The following SEC24A variants were observed in gnomAD, a reference collection of about 807,000 sequenced individuals.
The protein encoded by SEC24A is protein transport protein Sec24A.
In SEC24A, 93 loss-of-function variants were observed where a neutral mutation model predicts 129.4. The observed-to-expected ratio is 0.72, with a 90% CI of 0.61 to 0.85. The LOEUF is 0.85. SEC24A is among the 40% of genes least tolerant of loss of function. The pLI is 0.00. For synonymous variants in SEC24A, 460 were observed against 467.3 expected (o/e 0.98, Z 0.20); for missense variants, 1,264 against 1,307.4 (o/e 0.97, Z 0.51).
chr5:134,666,538 C>G (rs368673463), intron 2 of SEC24A, among the ~76,000 whole-genome samples: 44 of 144,036 alleles, frequency 3.1e-4, no homozygotes, highest in Non-Finnish European at 2.6e-4. Context: ...GCCTGGGCGA[C>G]AAGAAAGAAA....
intron 21 of SEC24A, among the ~76,000 whole-genome samples, chr5:134,723,331 G>A (rs1752674221): frequency 6.6e-6 from 1 of 152,096 alleles, no homozygotes; most frequent in African/African-American, 2.4e-5. Context: ...CAGGCATGGT[G>A]GCACGCATCT....
intron 15 of SEC24A, among the ~76,000 whole-genome samples, chr5:134,703,009 C>T (rs1752047998): frequency 6.6e-6 from 1 of 152,096 alleles, no homozygotes; most frequent in African/African-American, 2.4e-5. Flanking sequence ...AAGTGATCTG[C>T]CTGCACCAGC....
intron 1 of SEC24A, among the ~76,000 whole-genome samples, chr5:134,660,728 G>T (rs1020200086): frequency 1.1e-4 from 16 of 150,240 alleles, no homozygotes; most frequent in Non-Finnish European, 1.9e-4. Flanking sequence ...GCTACTTTTT[G>T]TTTTTTTTTA....
At chr5:134,680,579 C>A (rs1295224331) in intron 8 of SEC24A, among the ~76,000 whole-genome samples, 1 of 152,050 alleles carries the variant, frequency 6.6e-6, no homozygotes, top group Non-Finnish European at 1.5e-5. Flanking sequence ...GTGATCTGCC[C>A]ACCTCAGGCT....
At chr5:134,667,585 C>T (rs12153284) in intron 3 of SEC24A, among the ~76,000 whole-genome samples, 93,932 of 146,912 alleles carry the variant, frequency 0.64, 30,850 homozygotes, top group Non-Finnish European at 0.74. Context: ...ACCCGGGAGG[C>T]GGAGCTTGCA....
intron 4 of SEC24A, among the ~76,000 whole-genome samples, chr5:134,673,650 G>A (rs1009623442): frequency 1.1e-4 from 16 of 151,004 alleles, no homozygotes; most frequent in African/African-American, 3.7e-4. Context: ...GTAGTGATGG[G>A]ATTTCACTGT....
At position 134,648,828 on chromosome 5, in the gene SEC24A, C is replaced by A. The variant is rs943788830; in HGVS notation, c.-249C>A. 8 of 360,428 alleles carry A rather than the reference C, an allele frequency of 2.2e-5. 1 individual carries two copies. The South Asian group carries it at 2.5e-4, about 11-fold the overall frequency. 22.3% of individuals were successfully genotyped at this position (360,428 alleles called of 1,614,324 possible). ...CCTCCTTCTCTCTAGGTTTGGCTGC[C>A]GCCTTCTAGCCGGGCGTTCGCGGCC... On this transcript the variant is annotated 5_prime_UTR_variant, in exon 1 of 23. Transcript: ENST00000398844.
At chr5:134,689,193 T>C (rs148984424) in intron 11 of SEC24A, among the ~76,000 whole-genome samples, 61 of 152,294 alleles carry the variant, frequency 4.0e-4, no homozygotes, top group African/African-American at 1.3e-3. Flanking sequence ...CCACTAGATG[T>C]GGAAACATTA....
At chr5:134,682,112 G>A (rs1167865479) in intron 8 of SEC24A, among the ~76,000 whole-genome samples, 10 of 151,900 alleles carry the variant, frequency 6.6e-5, no homozygotes, top group South Asian at 4.2e-4. Flanking sequence ...GCGTGGTGGC[G>A]CATGCCTGTA....
chr5:134,674,716 G>A lies in SEC24A; in HGVS notation c.919G>A (p.Ala307Thr). 6.2e-7 allele frequency: 1 copy of A among 1,614,072 alleles called. No homozygotes were observed. The highest frequency in any genetic ancestry group is 2.2e-5 in the East Asian group (1 of 44,884). ...TTATCAGAACACAACACCACCTGGT[G>A]CAACTGGAGTACCACCCTCTTCCTT... ...PGYQNTTPPGATGVPPSSLNY... is the reference protein window; with the variant it reads ...PGYQNTTPPGTTGVPPSSLNY... The change falls in exon 5 of 23, where the codon GCA becomes ACA. Residue 307 changes from alanine to threonine, a missense_variant. Transcript: ENST00000398844.
intron 11 of SEC24A, 137 bp from the exon 12 acceptor site, chr5:134,692,465 A>G: frequency 1.7e-6 from 1 of 577,272 alleles, no homozygotes; most frequent in Admixed American, 3.3e-5. Context: ...CTTTGGACAC[A>G]TGTAAACAGT....
At chr5:134,682,533 T>G in intron 9 of SEC24A, 51 bp downstream of exon 9, 1 of 924,586 alleles carries the variant, frequency 1.1e-6, no homozygotes. Flanking sequence ...TACCAGGTTT[T>G]AAGTAAAACA....
At chr5:134,661,025 T>C (rs1014998746) in intron 1 of SEC24A, 94 bp from the exon 2 acceptor site, 14 of 908,624 alleles carry the variant, frequency 1.5e-5, no homozygotes, top group Non-Finnish European at 2.4e-5. Flanking sequence ...TTATGTGTTT[T>C]TATTGCTGAC....
At chr5:134,692,748 C>A in intron 12 of SEC24A, 91 bp downstream of exon 12, 1 of 859,702 alleles carries the variant, frequency 1.2e-6, no homozygotes, top group Non-Finnish European at 1.9e-6. Context: ...TTGATTATTT[C>A]TGTGACATTT....
intron 19 of SEC24A, 115 bp downstream of exon 19, chr5:134,715,276 T>C (rs1035154445): frequency 3.0e-5 from 29 of 951,010 alleles, no homozygotes; most frequent in Non-Finnish European, 4.3e-5. Context: ...TTTTATTTTA[T>C]TTATTTATTT....
intron 3 of SEC24A, among the ~76,000 whole-genome samples, chr5:134,669,889 C>T (rs961427061): frequency 6.6e-6 from 1 of 152,070 alleles, no homozygotes; most frequent in Non-Finnish European, 1.5e-5. Context: ...AGGTGTGTAC[C>T]ACCACACCTG....
intron 3 of SEC24A, among the ~76,000 whole-genome samples, chr5:134,670,943 C>T (rs1317588187): frequency 1.3e-5 from 2 of 151,746 alleles, no homozygotes; most frequent in Admixed American, 6.6e-5. Context: ...GAGCTGAAAT[C>T]GCACCACTTC....
At chr5:134,680,913 A>G (rs1472921729) in intron 8 of SEC24A, among the ~76,000 whole-genome samples, 2 of 152,120 alleles carry the variant, frequency 1.3e-5, no homozygotes, top group Non-Finnish European at 2.9e-5. Context: ...AGTGTGGCCA[A>G]CACAGTGAAA....
chr5:134,698,931 C>G (rs2150101461), intron 15 of SEC24A, among the ~76,000 whole-genome samples: 1 of 151,534 alleles, frequency 6.6e-6, no homozygotes, highest in African/African-American at 2.4e-5. Context: ...CCGCACACAG[C>G]CTAGACCCTT....
Sources: gnomAD v4.1 joint callset for allele counts (sites outside exome capture counted in the v4.1 genomes callset) on GRCh38, gnomAD v4.1.1 for gene constraint, MANE v1.5 for transcripts, NCBI Gene and HGNC (gene_info 2026-07-23, HGNC 2026-07-21) for gene names.